Variants in TBC1D5 observed in about 807,000 individuals in gnomAD.
TBC1D5 encodes the protein TBC1 domain family, member 5.
In TBC1D5, 75 loss-of-function variants were observed where a neutral mutation model predicts 100.3. The ratio of observed to expected loss-of-function variants is 0.75; its 90% CI spans 0.62 to 0.91. The LOEUF is 0.91. Among genes scored for constraint, TBC1D5 ranks in the 40% least tolerant of loss-of-function variants. TBC1D5 has a pLI of 0.00. For synonymous variants in TBC1D5, 323 were observed against 325.6 expected (o/e 0.99, Z 0.09); for missense variants, 910 against 942.4 (o/e 0.97, Z 0.45).
intron 3 of TBC1D5, among the ~76,000 whole-genome samples, chr3:17,464,040 C>T (rs1340457536): frequency 6.6e-6 from 1 of 151,264 alleles, no homozygotes; most frequent in Non-Finnish European, 1.5e-5. Flanking sequence ...CAACCTCCAC[C>T]TCCCAGGTTC....
At chr3:17,501,330 C>T (rs1353760360) in intron 3 of TBC1D5, among the ~76,000 whole-genome samples, 4 of 149,544 alleles carry the variant, frequency 2.7e-5, no homozygotes, top group Non-Finnish European at 4.4e-5. Flanking sequence ...CAAATTAATG[C>T]ACTTATCAAA....
At chr3:17,558,917 C>A (rs2153467933) in intron 2 of TBC1D5, among the ~76,000 whole-genome samples, 1 of 152,182 alleles carries the variant, frequency 6.6e-6, no homozygotes, top group Admixed American at 6.5e-5. Flanking sequence ...GGATGCCAGG[C>A]CAGATTTGCC....
rs373843978 is a variant in TBC1D5 at position 17,285,248 on chromosome 3, CTTTTTTTTTT to C, written c.1245+6637_1245+6646del. Among the ~76,000 whole-genome samples, 9 of 104,702 alleles carry C rather than the reference CTTTTTTTTTT, an allele frequency of 8.6e-5. No individual in the cohort carries two copies. In the East Asian group the frequency reaches 3.6e-3, roughly 42 times the overall value. The allele number at this position is 104,702 out of a possible 152,430, so 68.7% of individuals were successfully genotyped here. A position where few individuals can be genotyped will look rare whatever the true frequency, so the allele number is the denominator to read the frequency against. On this transcript the variant is annotated intron_variant, in intron 15 of 21. Coordinates refer to ENST00000253692, the Ensembl canonical transcript of TBC1D5. ...AGTCACTATACGTGGATTTTAGATTCTTTTTTTTTTTTTTTTTTTTTTTTTTTTTTGAGAC... is the reference window on the plus strand; with the variant it reads ...AGTCACTATACGTGGATTTTAGATTCTTTTTTTTTTTTTTTTTTTTGAGAC...
chr3:17,580,245 A>G (rs1049097434), intron 2 of TBC1D5, among the ~76,000 whole-genome samples: 3 of 152,336 alleles, frequency 2.0e-5, no homozygotes, highest in East Asian at 3.9e-4. Context: ...CAACAGGCAT[A>G]TAATTCATAA....
chr3:17,562,849 C>T (rs1246064121), intron 2 of TBC1D5, among the ~76,000 whole-genome samples: 1 of 152,174 alleles, frequency 6.6e-6, no homozygotes, highest in East Asian at 1.9e-4. Context: ...GACTGTGAGA[C>T]AGAAGATGGC....
intron 1 of TBC1D5, among the ~76,000 whole-genome samples, chr3:17,673,516 G>T (rs1385809701): frequency 6.6e-6 from 1 of 150,452 alleles, no homozygotes; most frequent in Admixed American, 6.6e-5. Context: ...GGGTTTCGCC[G>T]TATTGCCCAG....
At chr3:17,298,678 T>C (rs1300522218) in intron 14 of TBC1D5, among the ~76,000 whole-genome samples, 1 of 151,808 alleles carries the variant, frequency 6.6e-6, no homozygotes, top group Non-Finnish European at 1.5e-5. Context: ...ATCTAGAAAA[T>C]GGAATATTAG....
chr3:17,266,894 A>G (rs929166762), intron 15 of TBC1D5, among the ~76,000 whole-genome samples: 2 of 152,064 alleles, frequency 1.3e-5, no homozygotes, highest in Non-Finnish European at 2.9e-5. Flanking sequence ...AGAGTAAACC[A>G]AAAAAAGAAA....
At chr3:17,349,379 G>A (rs551960848) in intron 13 of TBC1D5, among the ~76,000 whole-genome samples, 1 of 152,264 alleles carries the variant, frequency 6.6e-6, no homozygotes, top group East Asian at 1.9e-4. Flanking sequence ...TGACACTTGA[G>A]AATCACTGGT....
intron 15 of TBC1D5, among the ~76,000 whole-genome samples, chr3:17,288,728 A>G (rs115004294): frequency 0.011 from 1,684 of 152,238 alleles, 25 homozygotes; most frequent in African/African-American, 0.038. Flanking sequence ...TCATCACTCA[A>G]TAAGATATTT....
intron 13 of TBC1D5, among the ~76,000 whole-genome samples, chr3:17,363,895 T>C (rs1575534588): frequency 6.6e-6 from 1 of 152,004 alleles, no homozygotes; most frequent in Admixed American, 6.6e-5. Context: ...TATTTCTTTA[T>C]GTATGTTAAA....
At chr3:17,377,382 G>C (rs962484282) in intron 9 of TBC1D5, among the ~76,000 whole-genome samples, 4 of 151,996 alleles carry the variant, frequency 2.6e-5, no homozygotes, top group African/African-American at 4.8e-5. Context: ...CATTATTGTG[G>C]TGACATACAG....
chr3:17,661,586 C>T (rs1024656090), intron 1 of TBC1D5, among the ~76,000 whole-genome samples: 3 of 151,586 alleles, frequency 2.0e-5, no homozygotes, highest in African/African-American at 4.9e-5. Flanking sequence ...CTGCAACCTC[C>T]GCTTCCCAGG....
intron 4 of TBC1D5, among the ~76,000 whole-genome samples, chr3:17,414,877 A>T (rs2094024828): frequency 6.6e-6 from 1 of 152,146 alleles, no homozygotes; most frequent in African/African-American, 2.4e-5. Flanking sequence ...AAATATATAT[A>T]AAAAAACAGA....
chr3:17,633,059 T>A (rs2063626131), intron 1 of TBC1D5, among the ~76,000 whole-genome samples: 1 of 152,160 alleles, frequency 6.6e-6, no homozygotes, highest in African/African-American at 2.4e-5. Context: ...TGTTTCACCA[T>A]CTGCAATAAC....
intron 15 of TBC1D5, among the ~76,000 whole-genome samples, chr3:17,261,667 A>G (rs1189488196): frequency 6.6e-6 from 1 of 151,990 alleles, no homozygotes; most frequent in African/African-American, 2.4e-5. Context: ...GACTACACGC[A>G]TGCACCAACA....
chr3:17,639,775 C>T (rs116680444), intron 1 of TBC1D5, among the ~76,000 whole-genome samples: 3,396 of 152,122 alleles, frequency 0.022, 109 homozygotes, highest in African/African-American at 0.077. Context: ...AAATCCTAGA[C>T]GTGAAGGAAA....
intron 19 of TBC1D5, among the ~76,000 whole-genome samples, chr3:17,184,174 G>T (rs1016853362): frequency 6.6e-6 from 1 of 152,172 alleles, no homozygotes; most frequent in Non-Finnish European, 1.5e-5. Flanking sequence ...GTGAGATATA[G>T]CACCTTTACA....
intron 3 of TBC1D5, among the ~76,000 whole-genome samples, chr3:17,490,147 A>G (rs541304622): frequency 2.0e-5 from 3 of 152,186 alleles, no homozygotes; most frequent in African/African-American, 7.2e-5. Context: ...TATGTCTTCT[A>G]TTGAGAAGGG....
Sources: allele counts gnomAD v4.1 joint callset (sites outside exome capture counted in the v4.1 genomes callset), GRCh38; gene constraint gnomAD v4.1.1; transcripts MANE v1.5; gene names NCBI Gene and HGNC (gene_info 2026-07-23, HGNC 2026-07-21).